Variants in TTC39C observed in about 807,000 individuals in gnomAD.
The protein encoded by TTC39C is tetratricopeptide repeat domain 39C.
Under a neutral mutation model 76.3 loss-of-function variants are expected in TTC39C, and 33 were observed. That is an observed-to-expected ratio of 0.43 (90% confidence interval 0.33 to 0.58). The LOEUF is 0.58. Among genes scored for constraint, TTC39C ranks in the 20% least tolerant of loss-of-function variants. TTC39C has a pLI of 0.04. For missense variants in TTC39C, 595 were observed against 701.4 expected, an observed-to-expected ratio of 0.85 and a Z score of 1.71; for synonymous variants, 254 against 260.6, an observed-to-expected ratio of 0.97 and a Z score of 0.24.
intron 1 of TTC39C, among the ~76,000 whole-genome samples, chr18:24,030,093 A>ATTATATATTAATTATATAAT (rs1273302923): frequency 1.7e-4 from 26 of 152,334 alleles, no homozygotes; most frequent in African/African-American, 6.3e-4. Flanking sequence ...GTTTATAATG[A>ATTATATATTAATTATATAAT]AAATATCTTG....
chr18:24,006,746 A>C (rs2083356165), intron 1 of TTC39C, among the ~76,000 whole-genome samples: 1 of 152,218 alleles, frequency 6.6e-6, no homozygotes, highest in Non-Finnish European at 1.5e-5. Context: ...GTTTGTTATA[A>C]TCATCTAGGG....
At chr18:24,040,382 C>T (rs2083778200) in intron 1 of TTC39C, among the ~76,000 whole-genome samples, 1 of 152,082 alleles carries the variant, frequency 6.6e-6, no homozygotes, top group South Asian at 2.1e-4. Context: ...TGGGTAAATG[C>T]CCCTCAGCTT....
chr18:24,125,696 G>C, intron 10 of TTC39C, 146 bp downstream of exon 10: 1 of 1,044,914 alleles, frequency 9.6e-7, no homozygotes, highest in African/African-American at 1.6e-5. Flanking sequence ...AGAGGGTGTC[G>C]TGATGAAGAA....
intron 1 of TTC39C, among the ~76,000 whole-genome samples, chr18:24,057,333 A>G (rs1320427512): frequency 6.6e-6 from 1 of 152,228 alleles, no homozygotes; most frequent in Non-Finnish European, 1.5e-5. Flanking sequence ...TTTTCTTTTT[A>G]ATATTTTTCT....
In TTC39C at chr18:24,114,642, A is replaced by G; in HGVS notation, c.1073A>G (p.Glu358Gly). ...GAAATTCAACATGTCTGTCTGTATG[A>G]AATTGGTAAATATGAAATGTCTGTC... ...QREIQHVCLY[E>G]IGWCSMIELN... is the part of the protein sequence containing the mutation. Residue 358 changes from glutamate (E) to glycine (G), a missense_variant, in exon 7 of 14, where the codon GAA becomes GGA. Coordinates refer to ENST00000317571, the MANE Select transcript of TTC39C (RefSeq NM_001135993.2). The G allele has an allele frequency of 8.1e-6, 13 of 1,609,686 alleles. No homozygotes were observed. Among genetic ancestry groups the G allele is most frequent in the Non-Finnish European group, 1.1e-5 (13 of 1,176,240 alleles).
intron 6 of TTC39C, among the ~76,000 whole-genome samples, chr18:24,108,334 T>C (rs988482138): frequency 1.3e-5 from 2 of 152,214 alleles, no homozygotes; most frequent in South Asian, 4.1e-4. Context: ...GAATCTTATG[T>C]TACAGATTCG....
intron 6 of TTC39C, among the ~76,000 whole-genome samples, chr18:24,088,422 G>A (rs1231366333): frequency 6.6e-6 from 1 of 152,212 alleles, no homozygotes; most frequent in African/African-American, 2.4e-5. Flanking sequence ...TTGGCTCTGA[G>A]TGAGCTCCAG....
At chr18:24,037,722 T>C (rs1039657776) in intron 1 of TTC39C, among the ~76,000 whole-genome samples, 1 of 152,206 alleles carries the variant, frequency 6.6e-6, no homozygotes, top group Non-Finnish European at 1.5e-5. Context: ...GGAATATGGT[T>C]CCTTTGGAAA....
chr18:24,030,494 AC>A (rs1424469152), intron 1 of TTC39C, among the ~76,000 whole-genome samples: 1 of 152,196 alleles, frequency 6.6e-6, no homozygotes, highest in African/African-American at 2.4e-5. Context: ...TTGTAATCAT[AC>A]AAGTCTGTTG....
intron 6 of TTC39C, among the ~76,000 whole-genome samples, chr18:24,097,357 T>C (rs187435530): frequency 3.3e-5 from 5 of 152,320 alleles, no homozygotes; most frequent in African/African-American, 7.2e-5. Context: ...GTCTTCAGGA[T>C]TGTAGTGGTA....
intron 1 of TTC39C, among the ~76,000 whole-genome samples, chr18:23,995,318 A>G (rs975678414): frequency 4.6e-5 from 7 of 151,964 alleles, no homozygotes; most frequent in Non-Finnish European, 7.4e-5. Context: ...AAATACCCCA[A>G]AATTAGCCAG....
intron 1 of TTC39C, chr18:23,994,220 C>A (rs2083241694): frequency 6.9e-6 from 1 of 145,238 alleles, no homozygotes; most frequent in African/African-American, 2.6e-5. Context: ...ATGTTTTCCT[C>A]AAAAACCATC....
At chr18:24,110,378 A>G (rs1490845732) in intron 6 of TTC39C, among the ~76,000 whole-genome samples, 2 of 152,248 alleles carry the variant, frequency 1.3e-5, no homozygotes, top group African/African-American at 4.8e-5. Flanking sequence ...TGCTGTTATA[A>G]GTATTTTAAC....
At chr18:24,108,793 C>G (rs1438825801) in intron 6 of TTC39C, among the ~76,000 whole-genome samples, 2 of 152,116 alleles carry the variant, frequency 1.3e-5, no homozygotes, top group African/African-American at 4.8e-5. Context: ...GGATATTAGG[C>G]AAGAGTACAT....
chr18:23,995,939 C>T (rs534363202), intron 1 of TTC39C, among the ~76,000 whole-genome samples: 2 of 152,202 alleles, frequency 1.3e-5, no homozygotes, highest in Non-Finnish European at 2.9e-5. Flanking sequence ...CCAGAAGTGC[C>T]GTTGTTGGAT....
chr18:24,124,312 G>T (rs2085018095), intron 9 of TTC39C: 1 of 158,234 alleles, frequency 6.3e-6, no homozygotes, highest in South Asian at 1.9e-4. Flanking sequence ...TTAATGAATG[G>T]AGACTATACG....
chr18:24,080,939 C>T lies in TTC39C; in HGVS notation c.815C>T (p.Thr272Ile), dbSNP rs562671417. The change falls in exon 5 of 14, where the codon ACA becomes ATA. Residue 272 changes from threonine to isoleucine, a missense_variant and splice_region_variant. Thr to Ile is a moderately conservative substitution (Grantham distance 89). Coordinates refer to ENST00000317571, the MANE Select transcript of TTC39C (RefSeq NM_001135993.2). ...AAGGACATGAAGGCCCCTTTAGCTA[C>T]GTGAGTAGCTGTATTGCAATGCTTT... ...ESKDMKAPLA[T>I]LALLWYHTVV... 15 of 1,608,050 alleles carry T rather than the reference C, an allele frequency of 9.3e-6. No homozygotes were observed. The East Asian group carries it at 1.6e-4, about 17-fold the overall frequency.
intron 1 of TTC39C, among the ~76,000 whole-genome samples, chr18:24,032,058 A>G (rs1022878332): frequency 6.6e-6 from 1 of 152,226 alleles, no homozygotes; most frequent in African/African-American, 2.4e-5. Context: ...GATTAGAGCC[A>G]CAGCTGCCCT....
intron 1 of TTC39C, among the ~76,000 whole-genome samples, chr18:24,021,424 G>A (rs35125574): frequency 0.21 from 32,637 of 152,026 alleles, 4,247 homozygotes; most frequent in East Asian, 0.57. Context: ...AAGTGACTGC[G>A]AATACATGTT....
Sources: gnomAD v4.1 joint callset for allele counts (sites outside exome capture counted in the v4.1 genomes callset) on GRCh38, gnomAD v4.1.1 for gene constraint, MANE v1.5 for transcripts, NCBI Gene and HGNC (gene_info 2026-07-23, HGNC 2026-07-21) for gene names.